Variants in RASSF5 observed in about 807,000 individuals in gnomAD.
RASSF5 encodes the protein ras association domain-containing protein 5.
Under a neutral mutation model 40.5 loss-of-function variants are expected in RASSF5, and 25 were observed. The ratio of observed to expected loss-of-function variants is 0.62; its 90% CI spans 0.45 to 0.86. The LOEUF (loss-of-function observed/expected upper bound fraction) is 0.86. Among genes scored for constraint, RASSF5 ranks in the 40% least tolerant of loss-of-function variants. RASSF5 has a pLI of 0.00. For missense variants in RASSF5, 521 were observed against 572.8 expected (o/e 0.91, Z 0.92); for synonymous variants, 246 against 252.4 (o/e 0.97, Z 0.24).
At chr1:206,555,936 G>A (rs1055526202) in intron 2 of RASSF5, among the ~76,000 whole-genome samples, 5 of 152,188 alleles carry the variant, frequency 3.3e-5, no homozygotes, top group East Asian at 3.8e-4. Context: ...TGTCCGGGGG[G>A]CTGAGTCTAG....
chr1:206,580,867 T>C (rs1553406149), intron 2 of RASSF5: 1 of 152,294 alleles, frequency 6.6e-6, no homozygotes, highest in Non-Finnish European at 1.5e-5. Context: ...GGTGACATGG[T>C]GCCTCTGGGG....
intron 2 of RASSF5, among the ~76,000 whole-genome samples, chr1:206,538,996 C>T (rs1361989666): frequency 6.6e-6 from 1 of 152,150 alleles, no homozygotes; most frequent in Non-Finnish European, 1.5e-5. Flanking sequence ...ATAGCATACA[C>T]TGTGATGCAT....
intron 2 of RASSF5, among the ~76,000 whole-genome samples, chr1:206,575,238 G>A (rs997282615): frequency 6.6e-6 from 1 of 152,146 alleles, no homozygotes; most frequent in African/African-American, 2.4e-5. Flanking sequence ...GTGGAAGGCA[G>A]CTGCAGATGG....
intron 2 of RASSF5, among the ~76,000 whole-genome samples, chr1:206,538,788 G>A (rs1469334209): frequency 6.6e-6 from 1 of 152,238 alleles, no homozygotes; most frequent in Non-Finnish European, 1.5e-5. Flanking sequence ...CACTTGAACT[G>A]TGATGTATCT....
intron 1 of RASSF5, among the ~76,000 whole-genome samples, chr1:206,525,760 AT>A (rs1287728070): frequency 6.6e-6 from 1 of 152,188 alleles, no homozygotes; most frequent in Non-Finnish European, 1.5e-5. Context: ...CCCAGAGAGA[AT>A]TTTAATATCT....
At chr1:206,556,492 T>C (rs1667989886) in intron 2 of RASSF5, among the ~76,000 whole-genome samples, 1 of 152,202 alleles carries the variant, frequency 6.6e-6, no homozygotes, top group African/African-American at 2.4e-5. Flanking sequence ...TGGGAAAATA[T>C]AAATGAGCCC....
chr1:206,522,770 G>A (rs145586847), intron 1 of RASSF5, among the ~76,000 whole-genome samples: 67 of 152,146 alleles, frequency 4.4e-4, no homozygotes, highest in African/African-American at 1.4e-3. Flanking sequence ...TCAAATAGAG[G>A]TGCATCTCTT....
At chr1:206,541,606 C>G (rs1468014972) in intron 2 of RASSF5, among the ~76,000 whole-genome samples, 1 of 152,170 alleles carries the variant, frequency 6.6e-6, no homozygotes, top group African/African-American at 2.4e-5. Context: ...TCTGACTTTT[C>G]CTTGGGCACC....
At chr1:206,574,784 C>A (rs1195539663) in intron 2 of RASSF5, among the ~76,000 whole-genome samples, 2 of 151,808 alleles carry the variant, frequency 1.3e-5, no homozygotes, top group Admixed American at 6.6e-5. Context: ...TGGGAGGGGG[C>A]CCTGCAGTAA....
At chr1:206,534,715 T>G (rs1172353481) in intron 1 of RASSF5, among the ~76,000 whole-genome samples, 1 of 152,230 alleles carries the variant, frequency 6.6e-6, no homozygotes, top group Non-Finnish European at 1.5e-5. Context: ...TCTTTTCACA[T>G]GTGCATCACA....
intron 2 of RASSF5, among the ~76,000 whole-genome samples, chr1:206,548,157 C>T (rs1490805891): frequency 6.6e-6 from 1 of 152,092 alleles, no homozygotes; most frequent in African/African-American, 2.4e-5. Context: ...CTGTATATAA[C>T]ATATTCTTCT....
Position 206,586,906 on chromosome 1 carries a change from G to A in RASSF5, c.1185G>A (p.Val395=), listed in dbSNP as rs782457424. ...EKEEQDKIQQ[V]QKKYDKFRQK... ...AGGAGCAGGACAAAATCCAACAAGT[G>A]CAAAAGAAGTATGACAAGTTTAGGC... Residue 395 remains valine, a synonymous_variant, in exon 6 of 6, where the codon GTG becomes GTA. Transcript: ENST00000579436. 1 of 1,614,154 alleles carries A rather than the reference G, an allele frequency of 6.2e-7. No homozygotes were observed. Among genetic ancestry groups the A allele is most frequent in the South Asian group, 1.1e-5 (1 of 91,084 alleles).
intron 1 of RASSF5, among the ~76,000 whole-genome samples, chr1:206,511,284 G>C (rs549375867): frequency 6.6e-6 from 1 of 152,292 alleles, no homozygotes; most frequent in East Asian, 1.9e-4. Flanking sequence ...TTCTAGGAGG[G>C]AATGGTCAAC....
intron 1 of RASSF5, among the ~76,000 whole-genome samples, chr1:206,512,703 C>T (rs1402260859): frequency 3.3e-5 from 5 of 152,100 alleles, no homozygotes; most frequent in African/African-American, 9.7e-5. Flanking sequence ...GGCCCTGCCT[C>T]GGTGGGAGAG....
At chr1:206,517,559 G>T (rs1487943363) in intron 1 of RASSF5, among the ~76,000 whole-genome samples, 3 of 152,156 alleles carry the variant, frequency 2.0e-5, no homozygotes, top group African/African-American at 7.2e-5. Flanking sequence ...TCATCTCTGG[G>T]CAGCCTGGGA....
Position 206,578,232 on chromosome 1 carries a change from AAGTGTGTGT to A in RASSF5, c.580-5036_580-5028del, listed in dbSNP as rs1310732607. Among the ~76,000 whole-genome samples, 95 of 130,516 alleles carry A rather than the reference AAGTGTGTGT, an allele frequency of 7.3e-4. 2 individuals are homozygous for A. In the East Asian group the frequency reaches 0.018, roughly 25 times the overall value. 85.6% of individuals were successfully genotyped at this position (130,516 alleles called of 152,430 possible). ...CAGAGGGAGACATCTCAAAAAAAAA[AAGTGTGTGT>A]GTGTGTGTGTGTGTGTGTGTGTAAG... On this transcript the variant is annotated intron_variant, in intron 2 of 5. Transcript: ENST00000579436.
Position 206,513,578 on chromosome 1 carries a change from C to T in RASSF5, c.457+5519C>T, listed in dbSNP as rs897101460. Among the ~76,000 whole-genome samples, 1 of 152,238 alleles carries T rather than the reference C, an allele frequency of 6.6e-6. No individual in the cohort carries two copies. The highest frequency in any genetic ancestry group is 6.5e-5 in the Admixed American group (1 of 15,292). ...TCGCTCTGTCTCTGCTGACTCTGGG[C>T]ACCTGCCCCTCCCGCAGGGCTCTGT... On this transcript the variant is annotated intron_variant, in intron 1 of 5. Transcript: ENST00000579436. The surrounding 1 kb of genome is among the most constrained non-coding windows in gnomAD (Gnocchi z 5.0).
rs1181304069 is a variant in RASSF5, at chr1:206,552,613, G to A, written c.579+14320G>A. 2.0e-5 allele frequency among the ~76,000 whole-genome samples: 3 copies of A among 152,144 alleles called. No homozygotes were observed. Among genetic ancestry groups the A allele is most frequent in the African/African-American group, 7.2e-5 (3 of 41,414 alleles). Reference sequence around the variant, plus strand: ...GAGTTTGGAATAGGTGGCGGGAGTCGGTGGAGAAAGGACAATTGTAATGGA... The same window carrying A: ...GAGTTTGGAATAGGTGGCGGGAGTCAGTGGAGAAAGGACAATTGTAATGGA... On this transcript the variant is annotated intron_variant, in intron 2 of 5. Coordinates refer to ENST00000579436, the MANE Select transcript of RASSF5 (RefSeq NM_182663.4). This position sits in a 1 kb window ranked among gnomAD's most constrained non-coding sequence, Gnocchi z 4.1.
intron 5 of RASSF5, 182 bp from the exon 6 acceptor site, chr1:206,586,644 T>C: frequency 1.7e-6 from 1 of 592,106 alleles, no homozygotes; most frequent in Non-Finnish European, 3.0e-6. Context: ...TGGAATTTTG[T>C]TGCTGCTATG....
Sources: gnomAD v4.1 joint callset for allele counts (sites outside exome capture counted in the v4.1 genomes callset) on GRCh38, gnomAD v4.1.1 for gene constraint, Gnocchi (gnomAD v3.1) non-coding constraint, MANE v1.5 for transcripts, NCBI Gene and HGNC (gene_info 2026-07-23, HGNC 2026-07-21) for gene names.